The following ABCG2 variants were observed in gnomAD, a reference collection of about 807,000 sequenced individuals.
ABCG2 encodes the protein ATP binding cassette subfamily G member 2 (JR blood group).
Under a neutral mutation model 73.5 loss-of-function variants are expected in ABCG2, and 80 were observed. The observed-to-expected ratio is 1.09, with a 90% CI of 0.91 to 1.31. ABCG2 has a LOEUF of 1.31. ABCG2 is among the 50% of genes most tolerant of loss of function. The pLI is 0.00. For synonymous variants in ABCG2, 269 were observed against 282.4 expected, an observed-to-expected ratio of 0.95 and a Z score of 0.48; for missense variants, 796 against 786.2, an observed-to-expected ratio of 1.01 and a Z score of -0.15.
chr4:88,227,123 A>C (rs1374071385), intron 1 of ABCG2, among the ~76,000 whole-genome samples: 1 of 152,054 alleles, frequency 6.6e-6, no homozygotes, highest in Non-Finnish European at 1.5e-5. Context: ...AATAAAAACA[A>C]ATATCACTTC....
At chr4:88,162,421 A>T (rs918054511), upstream of ABCG2, among the ~76,000 whole-genome samples, 1 of 152,150 alleles carries the variant, frequency 6.6e-6, no homozygotes, top group Non-Finnish European at 1.5e-5. Context: ...AAAACTAAAA[A>T]AAAGTTTCCT....
At chr4:88,184,275 T>C (rs538005993) in intron 1 of ABCG2, among the ~76,000 whole-genome samples, 2 of 152,312 alleles carry the variant, frequency 1.3e-5, no homozygotes, top group Admixed American at 1.3e-4. Context: ...AAATTATCTT[T>C]GTTGGCAGAT....
Position 88,230,318 on chromosome 4 carries a change from T to TAACA in ABCG2, c.-20+675_-20+676insTGTT, listed in dbSNP as rs1730412833. ...ATATATATATATATATTTTTTTTTT[T>TAACA]GGCCACATATATATATATATATATA... On this transcript the variant is annotated intron_variant, in intron 1 of 15. Coordinates refer to the ABCG2 transcript ENST00000515655. Among the ~76,000 whole-genome samples the TAACA allele has an allele frequency of 9.4e-5, 3 of 31,954 alleles. 1 individual carries two copies. Among genetic ancestry groups the TAACA allele is most frequent in the African/African-American group, 5.2e-4 (3 of 5,794 alleles). The allele number at this position is 31,954 out of a possible 152,430, so 21.0% of individuals were successfully genotyped here.
At chr4:88,211,363 A>ACCCCCCCCCCCCC (rs34198736) in intron 1 of ABCG2, among the ~76,000 whole-genome samples, 105 of 47,510 alleles carry the variant, frequency 2.2e-3, no homozygotes, top group Non-Finnish European at 2.8e-3. Flanking sequence ...CCCCTGCCCC[A>ACCCCCCCCCCCCC]CCCCCCCCCA....
At chr4:88,107,351 A>G (rs556621488) in intron 9 of ABCG2, 85 bp from the exon 10 acceptor site, 2 of 906,252 alleles carry the variant, frequency 2.2e-6, no homozygotes, top group South Asian at 1.7e-5. Flanking sequence ...AGTATAATAT[A>G]TGGTTACATA....
chr4:88,147,369 C>T (rs532101991), intron 1 of ABCG2, among the ~76,000 whole-genome samples: 1 of 152,340 alleles, frequency 6.6e-6, no homozygotes, highest in East Asian at 1.9e-4. Context: ...AGCATTAAAA[C>T]GTTCTGCAAG....
At chr4:88,118,288 T>C in intron 6 of ABCG2, 28 bp from the exon 7 acceptor site, 1 of 1,606,852 alleles carries the variant, frequency 6.2e-7, no homozygotes, top group East Asian at 2.2e-5. Context: ...CAATACTAAG[T>C]CATTAAATAT....
chr4:88,118,225 A>G lies in ABCG2; in HGVS notation c.725T>C (p.Ile242Thr). 1.2e-6 allele frequency: 2 copies of G among 1,614,170 alleles called. No homozygotes were observed. Among genetic ancestry groups the G allele is most frequent in the Non-Finnish European group, 1.7e-6 (2 of 1,180,000 alleles). The change falls in exon 7 of 16, where the codon ATT (isoleucine) becomes ACT (threonine). Residue 242 changes from isoleucine (I) to threonine (T), a missense_variant. Transcript: ENST00000237612. Reference protein sequence around the residue: ...SKQGRTIIFSIHQPRYSIFKL... With the variant: ...SKQGRTIIFSTHQPRYSIFKL... ...GAAGATGGAATATCGAGGCTGATGA[A>G]TGGAGAAGATGATTGTTCGTCCCTG...
intron 1 of ABCG2, among the ~76,000 whole-genome samples, chr4:88,181,856 A>G (rs1158979759): frequency 6.6e-6 from 1 of 152,218 alleles, no homozygotes; most frequent in Admixed American, 6.5e-5. Context: ...AAAAGAAAGG[A>G]AGGAAGATAA....
intron 7 of ABCG2, among the ~76,000 whole-genome samples, 174 bp from the exon 8 acceptor site, chr4:88,115,232 G>GTCTCTCTCTCTCTCTCTCTCTCTC (rs201460174): frequency 3.5e-5 from 1 of 28,970 alleles, no homozygotes; most frequent in African/African-American, 1.4e-4. Flanking sequence ...TATATATTCA[G>GTCTCTCTCTCTCTCTCTCTCTCTC]TCTCTCTCTC....
At chr4:88,152,446 T>A (rs2110074059) in intron 1 of ABCG2, among the ~76,000 whole-genome samples, 1 of 152,002 alleles carries the variant, frequency 6.6e-6, no homozygotes, top group South Asian at 2.1e-4. Context: ...GAGATAGGGA[T>A]GGGGCCATTT....
chr4:88,161,052 T>TA (rs1727278692), upstream of ABCG2, among the ~76,000 whole-genome samples: 1 of 151,592 alleles, frequency 6.6e-6, no homozygotes, highest in South Asian at 2.1e-4. Context: ...TGTGGTGGCT[T>TA]ACACCTGTAA....
At chr4:88,098,510 T>C (rs533223385) in intron 12 of ABCG2, among the ~76,000 whole-genome samples, 3 of 151,440 alleles carry the variant, frequency 2.0e-5, no homozygotes, top group Admixed American at 2.0e-4. Context: ...GGATGGGTAA[T>C]ATATATTAAA....
intron 6 of ABCG2, among the ~76,000 whole-genome samples, chr4:88,119,576 G>T (rs1000864004): frequency 7.9e-5 from 12 of 152,138 alleles, no homozygotes; most frequent in Non-Finnish European, 1.6e-4. Flanking sequence ...ATGGAGATGA[G>T]GAACTTGTTG....
intron 1 of ABCG2, among the ~76,000 whole-genome samples, chr4:88,188,574 A>G (rs1048019693): frequency 6.6e-6 from 1 of 152,200 alleles, no homozygotes; most frequent in Non-Finnish European, 1.5e-5. Flanking sequence ...TTCTTTTTCA[A>G]GATGATTTTG....
chr4:88,192,762 A>T (rs961023262), intron 1 of ABCG2, among the ~76,000 whole-genome samples: 5 of 147,244 alleles, frequency 3.4e-5, no homozygotes, highest in Non-Finnish European at 7.4e-5. Context: ...CCCAGGTTGG[A>T]GTGCAGTGGC....
At chr4:88,204,248 C>G (rs980871850) in intron 1 of ABCG2, among the ~76,000 whole-genome samples, 5 of 152,026 alleles carry the variant, frequency 3.3e-5, no homozygotes, top group African/African-American at 1.2e-4. Context: ...GGTGAAACCC[C>G]GTCTCTAGTA....
intron 1 of ABCG2, among the ~76,000 whole-genome samples, chr4:88,144,088 C>A (rs1016144547): frequency 4.6e-5 from 7 of 152,240 alleles, no homozygotes; most frequent in Non-Finnish European, 8.8e-5. Context: ...ATACCCATCA[C>A]ACAACGAGAT....
intron 1 of ABCG2, among the ~76,000 whole-genome samples, chr4:88,196,754 G>A (rs1371169254): frequency 3.4e-5 from 5 of 147,014 alleles, no homozygotes; most frequent in African/African-American, 1.3e-4. Flanking sequence ...TTACCTCCTG[G>A]AACTTTATGA....
Sources: allele counts gnomAD v4.1 joint callset (sites outside exome capture counted in the v4.1 genomes callset), GRCh38; gene constraint gnomAD v4.1.1; transcripts MANE v1.5; gene names NCBI Gene and HGNC (gene_info 2026-07-23, HGNC 2026-07-21).